The following RGS12 variants were observed in gnomAD, a reference collection of about 807,000 sequenced individuals.
The protein encoded by RGS12 is regulator of G-protein signaling 12.
A neutral mutation model predicts 120.1 loss-of-function variants in RGS12; 66 were observed. That is an observed-to-expected ratio of 0.55 (90% CI 0.45 to 0.67). RGS12 has a LOEUF of 0.67. Ranked by LOEUF, RGS12 falls within the 30% of genes least tolerant of loss-of-function variation. The pLI, the probability that RGS12 is intolerant of heterozygous loss-of-function variation, is 0.00. For missense variants in RGS12, 1,859 were observed against 1,957.7 expected (o/e 0.95, Z 0.95); for synonymous variants, 827 against 804.7 (o/e 1.03, Z -0.47).
At chr4:3,419,983 C>T (rs569491476) in intron 9 of RGS12, among the ~76,000 whole-genome samples, 105 of 152,334 alleles carry the variant, frequency 6.9e-4, no homozygotes, top group African/African-American at 2.4e-3. Flanking sequence ...CCCCTCTCTC[C>T]TCAGGCCCCA....
chr4:3,342,545 A>G (rs1252036118), intron 2 of RGS12: 3 of 1,294,882 alleles, frequency 2.3e-6, no homozygotes, highest in South Asian at 1.2e-5. Flanking sequence ...CTTCATCTTT[A>G]CTAATCATCA....
At chr4:3,307,827 C>T (rs1371095332) in intron 1 of RGS12, among the ~76,000 whole-genome samples, 1 of 152,260 alleles carries the variant, frequency 6.6e-6, no homozygotes, top group East Asian at 1.9e-4. Flanking sequence ...AAATTCTACA[C>T]TCAGAAGGTC....
chr4:3,322,619 T>A (rs1725274762), intron 2 of RGS12, among the ~76,000 whole-genome samples: 1 of 152,206 alleles, frequency 6.6e-6, no homozygotes, highest in Admixed American at 6.5e-5. Context: ...AATACCTGGT[T>A]AAGTAGCAGC....
intron 4 of RGS12, among the ~76,000 whole-genome samples, chr4:3,394,867 C>G (rs369531026): frequency 2.6e-5 from 4 of 151,606 alleles, no homozygotes; most frequent in African/African-American, 9.7e-5. Flanking sequence ...TGTTTTCAAA[C>G]TTAAAAAAAA....
chr4:3,376,084 G>C (rs900537205), intron 3 of RGS12, among the ~76,000 whole-genome samples: 2 of 152,210 alleles, frequency 1.3e-5, no homozygotes, highest in South Asian at 2.1e-4. Context: ...GCTGTCCCAG[G>C]AGGACACTAC....
chr4:3,391,664 G>T (rs538561557), intron 4 of RGS12, among the ~76,000 whole-genome samples: 1 of 152,342 alleles, frequency 6.6e-6, no homozygotes, highest in East Asian at 1.9e-4. Flanking sequence ...CTAGGCGTGA[G>T]AAGCAGTGTC....
chr4:3,288,043 A>G (rs1236475197), upstream of RGS12, among the ~76,000 whole-genome samples: 1 of 152,146 alleles, frequency 6.6e-6, no homozygotes, highest in Non-Finnish European at 1.5e-5. The surrounding 1 kb of genome is among the most constrained non-coding windows in gnomAD (Gnocchi z 5.2). Context: ...CCCATGGCCG[A>G]GCCGTCGAGA....
Position 3,422,398 on chromosome 4 carries a change from C to T in RGS12, c.2861C>T (p.Ala954Val), listed in dbSNP as rs1723111823. ...CAGTCGGAGGCCTGCAGGACTTTGG[C>T]ACCCGAGAAGGACAAGGCCACCAAG... ...LDLSEACRTL[A>V]PEKDKATKHC... Residue 954 changes from alanine (A) to valine (V), a missense_variant, in exon 11 of 18, where the codon GCA (alanine) becomes GTA (valine). This residue lies in a region of RGS12 where 375 missense variants were observed against 475.0 expected (regional missense o/e 0.79). Coordinates refer to ENST00000336727, the MANE Select transcript of RGS12 (RefSeq NM_001394154.1). 1.2e-6 allele frequency: 2 copies of T among 1,612,224 alleles called. No individual in the cohort carries two copies. The highest frequency in any genetic ancestry group is 1.7e-6 in the Non-Finnish European group (2 of 1,179,516).
chr4:3,307,329 A>G (rs1241222630), intron 1 of RGS12, among the ~76,000 whole-genome samples: 1 of 152,154 alleles, frequency 6.6e-6, no homozygotes, highest in East Asian at 1.9e-4. Context: ...GCGTGTGCAC[A>G]CGGCATGAGG....
intron 3 of RGS12, among the ~76,000 whole-genome samples, chr4:3,355,097 A>G (rs1183783878): frequency 1.3e-5 from 2 of 152,210 alleles, no homozygotes; most frequent in Non-Finnish European, 2.9e-5. Context: ...TAAAAAGGGT[A>G]ACATACACAT....
chr4:3,354,847 G>C (rs905947823), intron 3 of RGS12, among the ~76,000 whole-genome samples: 2 of 152,158 alleles, frequency 1.3e-5, no homozygotes, highest in African/African-American at 2.4e-5. Flanking sequence ...AGAATTACAG[G>C]ACGTCAAAGC....
intron 2 of RGS12, among the ~76,000 whole-genome samples, chr4:3,320,211 C>A (rs940884284): frequency 6.6e-6 from 1 of 152,182 alleles, no homozygotes; most frequent in Non-Finnish European, 1.5e-5. Flanking sequence ...TGGTCCTCAG[C>A]GGACCTGAGA....
chr4:3,413,988 C>G (rs1159877547), intron 4 of RGS12, 84 bp from the exon 5 acceptor site: 34 of 1,403,846 alleles, frequency 2.4e-5, no homozygotes, highest in Admixed American at 7.2e-5. Flanking sequence ...CTGCGTGTCC[C>G]AGGGTCTCCT....
chr4:3,398,447 A>G (rs1011247919), intron 4 of RGS12, among the ~76,000 whole-genome samples: 2 of 152,256 alleles, frequency 1.3e-5, no homozygotes, highest in Non-Finnish European at 2.9e-5. Flanking sequence ...AGCCTGGGCA[A>G]TATAGTTTGA....
intron 1 of RGS12, among the ~76,000 whole-genome samples, chr4:3,303,462 G>A (rs1723794506): frequency 6.6e-6 from 1 of 152,188 alleles, no homozygotes; most frequent in African/African-American, 2.4e-5. Context: ...CTGTATTTCA[G>A]CATCTGTGCA....
At chr4:3,310,008 G>A (rs1724270757) in intron 1 of RGS12, among the ~76,000 whole-genome samples, 1 of 146,560 alleles carries the variant, frequency 6.8e-6, no homozygotes, top group African/African-American at 2.5e-5. Flanking sequence ...GAGGGGAACC[G>A]TGTGGGGGAG....
rs1205041332 is a variant in RGS12 at position 3,413,404 on chromosome 4, G to A, written c.2021-668G>A. ...TCGGGTCTCCTGTAAATGAGCCGCC[G>A]AGCCGACATGCGTGGCTGAGGGCTT... On this transcript the variant is annotated intron_variant, in intron 4 of 17. Coordinates refer to ENST00000336727, the MANE Select transcript of RGS12 (RefSeq NM_001394154.1). 4 of 152,398 alleles carry A rather than the reference G, an allele frequency of 2.6e-5. No homozygotes were observed. In the East Asian group the frequency reaches 7.7e-4, roughly 29 times the overall value. 9.4% of individuals were successfully genotyped at this position (152,398 alleles called of 1,614,324 possible). A position where few individuals can be genotyped will look rare whatever the true frequency, so the allele number is the denominator to read the frequency against.
chr4:3,314,364 T>C (rs1724598311), intron 1 of RGS12: 1 of 152,182 alleles, frequency 6.6e-6, no homozygotes, highest in Non-Finnish European at 1.5e-5. Context: ...AAAAATCTTT[T>C]CTATTAGAAG....
At chr4:3,392,036 G>A (rs532823032) in intron 4 of RGS12, among the ~76,000 whole-genome samples, 10 of 152,326 alleles carry the variant, frequency 6.6e-5, no homozygotes, top group African/African-American at 2.4e-4. Flanking sequence ...AGGAGAGTAT[G>A]TATGAAGTTT....
Sources: allele counts gnomAD v4.1 joint callset (sites outside exome capture counted in the v4.1 genomes callset), GRCh38; gene constraint gnomAD v4.1.1; regional missense constraint gnomAD v4.1.1; non-coding constraint Gnocchi (gnomAD v3.1); transcripts MANE v1.5; gene names NCBI Gene and HGNC (gene_info 2026-07-23, HGNC 2026-07-21).